Variants in RORB observed in about 807,000 individuals in gnomAD.
RORB encodes nuclear receptor ROR-beta.
RORB carries 6 observed loss-of-function variants against 59.1 expected under a neutral mutation model. That is an observed-to-expected ratio of 0.10 (90% confidence interval 0.06 to 0.20). RORB has a LOEUF of 0.20. Ranked by LOEUF, RORB falls within the 10% of genes least tolerant of loss-of-function variation. RORB has a pLI of 1.00. For missense variants in RORB, 320 were observed against 560.5 expected, an observed-to-expected ratio of 0.57 and a Z score of 4.33; for synonymous variants, 215 against 204.5, an observed-to-expected ratio of 1.05 and a Z score of -0.44.
chr9:74,617,600 C>T (rs1431694563), intron 1 of RORB, among the ~76,000 whole-genome samples: 1 of 152,172 alleles, frequency 6.6e-6, no homozygotes, highest in Non-Finnish European at 1.5e-5. Context: ...ATCAGCAGAA[C>T]AGGCGCTTCA....
chr9:74,526,946 A>G (rs1249227792), intron 1 of RORB, among the ~76,000 whole-genome samples: 2 of 151,980 alleles, frequency 1.3e-5, no homozygotes. Flanking sequence ...GTTTACAAAC[A>G]TAAGCCTTCC....
chr9:74,508,741 T>C (rs1364047513), intron 1 of RORB, among the ~76,000 whole-genome samples: 1 of 152,084 alleles, frequency 6.6e-6, no homozygotes, highest in Non-Finnish European at 1.5e-5. Flanking sequence ...ATTTGTTCCA[T>C]TTGAATTTCT....
At chr9:74,621,052 C>A (rs1238365405) in intron 1 of RORB, among the ~76,000 whole-genome samples, 5 of 152,134 alleles carry the variant, frequency 3.3e-5, no homozygotes, top group African/African-American at 1.2e-4. Context: ...ACCAACCCCC[C>A]AGACACAATT....
At chr9:74,627,086 G>A (rs1206323741) in intron 1 of RORB, among the ~76,000 whole-genome samples, 2 of 151,766 alleles carry the variant, frequency 1.3e-5, no homozygotes, top group Non-Finnish European at 2.9e-5. Context: ...CGCTTGAGCA[G>A]GGGAGGCGGA....
At chr9:74,592,255 A>G (rs1344718718) in intron 1 of RORB, among the ~76,000 whole-genome samples, 1 of 152,180 alleles carries the variant, frequency 6.6e-6, no homozygotes, top group Non-Finnish European at 1.5e-5. Flanking sequence ...CCTAGAGTGG[A>G]AGGATTTATT....
chr9:74,574,986 C>A (rs1822610636), intron 1 of RORB, among the ~76,000 whole-genome samples: 1 of 151,902 alleles, frequency 6.6e-6, no homozygotes, highest in Admixed American at 6.6e-5. Flanking sequence ...GTATTGCATA[C>A]CAGGAATATA....
intron 9 of RORB, among the ~76,000 whole-genome samples, chr9:74,675,712 C>T (rs1483026019): frequency 1.3e-5 from 2 of 152,112 alleles, no homozygotes. Context: ...TGTGCAAAGC[C>T]CGGGTTCAGA....
At chr9:74,623,111 T>G (rs1823451357) in intron 1 of RORB, among the ~76,000 whole-genome samples, 2 of 152,214 alleles carry the variant, frequency 1.3e-5, no homozygotes, top group Admixed American at 1.3e-4. Flanking sequence ...CTGCTTGATC[T>G]CCCTTACCTT....
chr9:74,568,656 C>T (rs1041560567), intron 1 of RORB, among the ~76,000 whole-genome samples: 30 of 147,212 alleles, frequency 2.0e-4, no homozygotes, highest in African/African-American at 6.3e-4. Flanking sequence ...GCCAAGGTCG[C>T]GCCATTGCAC....
chr9:74,641,368 C>T (rs764876747), intron 3 of RORB, among the ~76,000 whole-genome samples: 3 of 152,158 alleles, frequency 2.0e-5, no homozygotes, highest in Non-Finnish European at 2.9e-5. Flanking sequence ...CTTCTTTTTC[C>T]TCAGACTGCT....
chr9:74,658,762 C>A (rs1308799659), intron 4 of RORB, among the ~76,000 whole-genome samples: 1 of 152,048 alleles, frequency 6.6e-6, no homozygotes, highest in Non-Finnish European at 1.5e-5. Context: ...CCATGACATA[C>A]CAATCTATTT....
intron 1 of RORB, among the ~76,000 whole-genome samples, chr9:74,624,055 T>C (rs961086323): frequency 1.3e-5 from 2 of 152,216 alleles, no homozygotes; most frequent in African/African-American, 4.8e-5. Context: ...TAAATGTTCA[T>C]ATGTAAGATA....
chr9:74,642,618 T>C lies in RORB; in HGVS notation c.440T>C (p.Ile147Thr), dbSNP rs201745846. ...GGCACTTATGCCAACGGGCACGTCATTGACCTGCCCAAGTCTGAGGGTTAT... is the reference window on the plus strand; with the variant it reads ...GGCACTTATGCCAACGGGCACGTCACTGACCTGCCCAAGTCTGAGGGTTAT... ...TSGTYANGHV[I>T]DLPKSEGYYN... is the part of the protein sequence containing the mutation. Residue 147 changes from isoleucine (I) to threonine (T), a missense_variant, in exon 4 of 10, where the codon ATT becomes ACT. Transcript: ENST00000376896. 1.5e-5 allele frequency: 24 copies of C among 1,614,164 alleles called. No individual in the cohort carries two copies. The highest frequency in any genetic ancestry group is 1.9e-5 in the Non-Finnish European group (23 of 1,180,002).
At chr9:74,607,411 C>T (rs1823164839) in intron 1 of RORB, among the ~76,000 whole-genome samples, 2 of 152,112 alleles carry the variant, frequency 1.3e-5, no homozygotes, top group African/African-American at 4.8e-5. Flanking sequence ...TTACATAAGC[C>T]TAAGTGTCCA....
intron 9 of RORB, among the ~76,000 whole-genome samples, chr9:74,680,339 CCTCT>C (rs1431632793): frequency 6.6e-6 from 1 of 152,106 alleles, no homozygotes; most frequent in African/African-American, 2.4e-5. Flanking sequence ...CATTCTTCTC[CCTCT>C]CTGAGTACCA....
intron 1 of RORB, among the ~76,000 whole-genome samples, chr9:74,590,967 T>C (rs11144016): frequency 0.026 from 4,031 of 152,128 alleles, 95 homozygotes; most frequent in Non-Finnish European, 0.038. Flanking sequence ...AGCTAACTTT[T>C]TGTATTTTTA....
chr9:74,623,811 A>G (rs2118394802), intron 1 of RORB, among the ~76,000 whole-genome samples: 1 of 152,348 alleles, frequency 6.6e-6, no homozygotes, highest in African/African-American at 2.4e-5. Flanking sequence ...CCCACGCACA[A>G]GTTATCCCAT....
chr9:74,505,435 A>G (rs1232742205), intron 1 of RORB, among the ~76,000 whole-genome samples: 1 of 152,126 alleles, frequency 6.6e-6, no homozygotes, highest in Non-Finnish European at 1.5e-5. Flanking sequence ...CATATATATA[A>G]AAAGAAATGT....
intron 1 of RORB, among the ~76,000 whole-genome samples, chr9:74,604,562 G>A (rs530534216): frequency 1.3e-5 from 2 of 152,064 alleles, no homozygotes; most frequent in Admixed American, 1.3e-4. Context: ...TTTAGCCGTT[G>A]GGATACAGCT....
Sources: gnomAD v4.1 joint callset for allele counts (sites outside exome capture counted in the v4.1 genomes callset) on GRCh38, gnomAD v4.1.1 for gene constraint, MANE v1.5 for transcripts, NCBI Gene and HGNC (gene_info 2026-07-23, HGNC 2026-07-21) for gene names.